Variants in DPYD observed in about 807,000 individuals in gnomAD.
DPYD encodes the protein dihydropyrimidine dehydrogenase [NADP(+)].
Under a neutral mutation model 116.2 loss-of-function variants are expected in DPYD, and 109 were observed. That is an observed-to-expected ratio of 0.94 (90% CI 0.80 to 1.10). The LOEUF is 1.10. Ranked by LOEUF, DPYD falls within the 50% of genes least tolerant of loss-of-function variation. DPYD has a pLI of 0.00. For synonymous variants in DPYD, 440 were observed against 432.0 expected (o/e 1.02, Z -0.23); for missense variants, 1,302 against 1,254.5 (o/e 1.04, Z -0.57).
intron 3 of DPYD, among the ~76,000 whole-genome samples, chr1:97,817,689 T>C (rs975032738): frequency 1.3e-5 from 2 of 152,078 alleles, no homozygotes; most frequent in African/African-American, 2.4e-5. Flanking sequence ...ATTCAAAACA[T>C]GTAAACCACT....
At chr1:97,714,655 CAAAAAAAA>C (rs1193831747) in intron 5 of DPYD, among the ~76,000 whole-genome samples, 1 of 49,928 alleles carries the variant, frequency 2.0e-5, no homozygotes, top group Non-Finnish European at 4.2e-5. Flanking sequence ...AAAGAAAAGA[CAAAAAAAA>C]AAAAAAAAAA....
intron 18 of DPYD, among the ~76,000 whole-genome samples, chr1:97,258,337 T>A (rs1557978730): frequency 6.6e-6 from 1 of 152,168 alleles, no homozygotes; most frequent in Admixed American, 6.6e-5. Context: ...AAGAGCCTAC[T>A]AAGCCTGTGC....
chr1:97,822,991 T>A (rs948895817), intron 3 of DPYD, among the ~76,000 whole-genome samples: 2 of 152,214 alleles, frequency 1.3e-5, no homozygotes, highest in Admixed American at 1.3e-4. Context: ...TGCATAAGTT[T>A]TTTAAAATAA....
chr1:97,519,600 T>C (rs1301668237), intron 12 of DPYD, among the ~76,000 whole-genome samples: 1 of 152,172 alleles, frequency 6.6e-6, no homozygotes, highest in East Asian at 1.9e-4. Context: ...CTATGTATTA[T>C]TATGTAGAGC....
chr1:97,714,356 G>A (rs371667720), intron 5 of DPYD, among the ~76,000 whole-genome samples: 2 of 151,888 alleles, frequency 1.3e-5, no homozygotes, highest in African/African-American at 4.8e-5. Flanking sequence ...GGGACTAAAG[G>A]TGCACACCAC....
intron 2 of DPYD, among the ~76,000 whole-genome samples, chr1:97,862,736 A>G (rs1251695383): frequency 1.3e-5 from 2 of 151,984 alleles, no homozygotes; most frequent in Admixed American, 6.6e-5. Flanking sequence ...TAGGGGATAT[A>G]CTTTACTCTC....
At chr1:97,322,275 G>A (rs528124587) in intron 16 of DPYD, among the ~76,000 whole-genome samples, 1 of 135,168 alleles carries the variant, frequency 7.4e-6, no homozygotes, top group South Asian at 2.7e-4. Flanking sequence ...GAATTAGGAA[G>A]GGAAAAAAAA....
At chr1:97,231,507 G>A (rs1661586289) in intron 19 of DPYD, among the ~76,000 whole-genome samples, 1 of 152,076 alleles carries the variant, frequency 6.6e-6, no homozygotes, top group Admixed American at 6.5e-5. Context: ...GCATGTGCAG[G>A]GGAACTCCCC....
chr1:97,333,322 A>T (rs112728586), intron 16 of DPYD, among the ~76,000 whole-genome samples: 9,628 of 151,994 alleles, frequency 0.063, 410 homozygotes, highest in African/African-American at 0.12. Context: ...GTCTGTAGTC[A>T]GAGCTGCTTC....
At chr1:97,788,597 T>C (rs1362480984) in intron 3 of DPYD, among the ~76,000 whole-genome samples, 1 of 152,164 alleles carries the variant, frequency 6.6e-6, no homozygotes, top group Non-Finnish European at 1.5e-5. Flanking sequence ...CATTAGGCCA[T>C]TGAGGTTTGG....
intron 8 of DPYD, among the ~76,000 whole-genome samples, chr1:97,598,974 T>G (rs749779978): frequency 6.6e-6 from 1 of 152,232 alleles, no homozygotes; most frequent in Non-Finnish European, 1.5e-5. Flanking sequence ...CAGGTTATAA[T>G]GTGAAGCTAC....
intron 13 of DPYD, among the ~76,000 whole-genome samples, chr1:97,503,886 C>T (rs1019191735): frequency 2.0e-5 from 3 of 151,870 alleles, no homozygotes; most frequent in Non-Finnish European, 4.4e-5. Flanking sequence ...AAGTAAAATT[C>T]AATATGGATA....
chr1:97,363,257 A>G (rs1670842132), intron 16 of DPYD, among the ~76,000 whole-genome samples: 1 of 152,220 alleles, frequency 6.6e-6, no homozygotes, highest in Non-Finnish European at 1.5e-5. Context: ...ATAACATACC[A>G]TCTCATGCCA....
At chr1:97,774,095 A>T (rs1308536182) in intron 3 of DPYD, among the ~76,000 whole-genome samples, 1 of 152,090 alleles carries the variant, frequency 6.6e-6, no homozygotes, top group African/African-American at 2.4e-5. Context: ...ACCTGCCCAT[A>T]TGCATGCTCC....
At chr1:97,798,300 G>A (rs1667680972) in intron 3 of DPYD, among the ~76,000 whole-genome samples, 1 of 151,892 alleles carries the variant, frequency 6.6e-6, no homozygotes, top group African/African-American at 2.4e-5. Flanking sequence ...TGTGAACTAT[G>A]AAATTAATTT....
intron 13 of DPYD, among the ~76,000 whole-genome samples, chr1:97,496,832 G>C (rs1022248465): frequency 1.3e-5 from 2 of 151,734 alleles, no homozygotes; most frequent in African/African-American, 4.8e-5. Flanking sequence ...TGAGAACCAG[G>C]ATTGTATCTT....
At chr1:97,742,292 G>A (rs1262406226) in intron 3 of DPYD, among the ~76,000 whole-genome samples, 1 of 152,054 alleles carries the variant, frequency 6.6e-6, no homozygotes, top group Non-Finnish European at 1.5e-5. Flanking sequence ...ATTCTTTTGT[G>A]AGTAAGAGAG....
At chr1:97,704,178 A>G (rs993381904) in intron 5 of DPYD, among the ~76,000 whole-genome samples, 8 of 152,058 alleles carry the variant, frequency 5.3e-5, no homozygotes, top group African/African-American at 1.9e-4. Context: ...TATATACACA[A>G]TATACTTCCA....
At chr1:97,562,023 G>A (rs772599606) in intron 11 of DPYD, among the ~76,000 whole-genome samples, 1 of 152,160 alleles carries the variant, frequency 6.6e-6, no homozygotes. Flanking sequence ...TAGACTGCAA[G>A]CTCCTGCAGA....
Sources: gnomAD v4.1 joint callset for allele counts (sites outside exome capture counted in the v4.1 genomes callset) on GRCh38, gnomAD v4.1.1 for gene constraint, MANE v1.5 for transcripts, NCBI Gene and HGNC (gene_info 2026-07-23, HGNC 2026-07-21) for gene names.